The following PDE8B variants were observed in gnomAD, a reference collection of about 807,000 sequenced individuals.
The protein encoded by PDE8B is high affinity cAMP-specific and IBMX-insensitive 3',5'-cyclic phosphodiesterase 8B.
A neutral mutation model predicts 101.3 loss-of-function variants in PDE8B; 26 were observed. That is an observed-to-expected ratio of 0.26 (90% CI 0.19 to 0.36). The LOEUF (loss-of-function observed/expected upper bound fraction) is 0.36, where lower values mean the gene tolerates loss of function less well. Ranked by LOEUF, PDE8B falls within the 10% of genes least tolerant of loss-of-function variation. The pLI is 1.00. For synonymous variants in PDE8B, 424 were observed against 429.3 expected, an observed-to-expected ratio of 0.99 and a Z score of 0.15; for missense variants, 810 against 1,163.1, an observed-to-expected ratio of 0.70 and a Z score of 4.42.
chr5:77,174,289 G>A, the PDE8B span, among the ~76,000 whole-genome samples: 1 of 152,062 alleles, frequency 6.6e-6, no homozygotes, highest in Admixed American at 6.6e-5. Flanking sequence ...CTGTTTTTAT[G>A]GGAGGTACCA....
intron 1 of PDE8B, among the ~76,000 whole-genome samples, chr5:77,238,243 T>G (rs893413403): frequency 1.3e-5 from 2 of 152,214 alleles, no homozygotes; most frequent in African/African-American, 4.8e-5. Context: ...TTCAGGTTCC[T>G]AAGACTCTGT....
rs146823802 is a variant in PDE8B at position 77,258,884 on chromosome 5, G to C, written c.339+47620G>C. On this transcript the variant is annotated intron_variant, in intron 1 of 21. Transcript: ENST00000264917. Reference sequence around the variant, plus strand: ...GGCTTTTCCTCCTCCTGTACAGACTGTTGGTTCCTCAGGGTCTGGGCAGGG... The same window carrying C: ...GGCTTTTCCTCCTCCTGTACAGACTCTTGGTTCCTCAGGGTCTGGGCAGGG... Among the ~76,000 whole-genome samples, 231 of 152,028 alleles carry C rather than the reference G, an allele frequency of 1.5e-3. 2 individuals carry two copies. Among genetic ancestry groups the C allele is most frequent in the African/African-American group, 5.3e-3 (219 of 41,480 alleles).
intron 20 of PDE8B, among the ~76,000 whole-genome samples, chr5:77,424,928 G>A (rs80138185): frequency 0.018 from 2,731 of 151,796 alleles, 41 homozygotes; most frequent in Non-Finnish European, 0.027. Flanking sequence ...GGCCCCAAGC[G>A]AACCTCCTGC....
chr5:77,301,595 T>C (rs1160621189), intron 1 of PDE8B, among the ~76,000 whole-genome samples: 1 of 152,332 alleles, frequency 6.6e-6, no homozygotes, highest in East Asian at 1.9e-4. Flanking sequence ...ACAATGTAAT[T>C]TTACATGCTT....
chr5:77,243,132 A>G (rs1469661222), intron 1 of PDE8B, among the ~76,000 whole-genome samples: 2 of 152,206 alleles, frequency 1.3e-5, no homozygotes, highest in African/African-American at 2.4e-5. Context: ...GGAAAAGTTT[A>G]TGGTGAATTT....
chr5:77,217,691 C>T (rs1022461155), intron 1 of PDE8B, among the ~76,000 whole-genome samples: 3 of 151,958 alleles, frequency 2.0e-5, no homozygotes, highest in Admixed American at 6.6e-5. Context: ...GGTGCCACCA[C>T]CCTCGGCTAA....
chr5:77,229,523 T>C (rs1753111433), intron 1 of PDE8B, among the ~76,000 whole-genome samples: 1 of 152,356 alleles, frequency 6.6e-6, no homozygotes, highest in Non-Finnish European at 1.5e-5. Flanking sequence ...GTAAAACCAT[T>C]ACTGCTAATT....
Position 77,233,654 on chromosome 5 carries a change from CTGTGTGTGTGTGTGTGTG to C in PDE8B, c.339+22419_339+22436del, listed in dbSNP as rs72346580. 4.4e-3 allele frequency among the ~76,000 whole-genome samples: 604 copies of C among 138,322 alleles called. 4 individuals are homozygous for C. Among genetic ancestry groups the C allele is most frequent in the African/African-American group, 0.015 (561 of 37,064 alleles). The allele number at this position is 138,322 out of a possible 152,430, so 90.7% of individuals were successfully genotyped here. On this transcript the variant is annotated intron_variant, in intron 1 of 21. Coordinates refer to ENST00000264917, the MANE Select transcript of PDE8B (RefSeq NM_003719.5). Reference sequence around the variant, plus strand: ...TGACAGCCCCCAACCCCCTGAAGCTCTGTGTGTGTGTGTGTGTGTGTGTGTGTGTGTGTGTGTGTGTGT... The same window carrying C: ...TGACAGCCCCCAACCCCCTGAAGCTCTGTGTGTGTGTGTGTGTGTGTGTGT...
rs1780694636 is a variant in PDE8B, at chr5:77,349,400, AC to A, written c.877-17del. 6.2e-7 allele frequency: 1 copy of A among 1,613,924 alleles called. No homozygotes were observed. Among genetic ancestry groups the A allele is most frequent in the East Asian group, 2.2e-5 (1 of 44,902 alleles). The stretch of plus-strand genomic sequence containing the variant: ...GTCTTGTGTCCCCGCACTGATCTGT[AC>A]CAACCTCCCATTAACAGTATGTCAA... On this transcript the variant is annotated intron_variant, in intron 7 of 21. Transcript: ENST00000264917.
At chr5:77,190,338 C>T in the PDE8B span, among the ~76,000 whole-genome samples, 271 of 152,298 alleles carry the variant, frequency 1.8e-3, 1 homozygote, top group African/African-American at 6.3e-3. Context: ...CATAACCAAA[C>T]TTGGAGTGCC....
the PDE8B span, among the ~76,000 whole-genome samples, chr5:77,202,720 C>A: frequency 6.6e-6 from 1 of 151,714 alleles, no homozygotes; most frequent in African/African-American, 2.4e-5. Flanking sequence ...GTAACCTCTG[C>A]CTCCCAGGTT....
intron 1 of PDE8B, among the ~76,000 whole-genome samples, chr5:77,292,653 C>T (rs1767622697): frequency 6.6e-6 from 1 of 152,058 alleles, no homozygotes; most frequent in African/African-American, 2.4e-5. Context: ...GTTTTACAGC[C>T]CATTTGTGTA....
the PDE8B span, among the ~76,000 whole-genome samples, chr5:77,180,680 G>A: frequency 2.0e-5 from 3 of 152,232 alleles, no homozygotes; most frequent in Non-Finnish European, 2.9e-5. Flanking sequence ...TCCTTTCCAG[G>A]CGGGAAGCAC....
At position 77,218,001 on chromosome 5, in the gene PDE8B, T is replaced by C. The variant is rs1044981665; in HGVS notation, c.339+6737T>C. Among the ~76,000 whole-genome samples the C allele has an allele frequency of 3.9e-5, 6 of 152,228 alleles. No homozygotes were observed. The East Asian group carries it at 1.2e-3, about 29-fold the overall frequency. ...CATTGATTTCTTTCATCCCCTCCTT[T>C]CCCCCTCCTTAGGGAGAATGCACAG... On this transcript the variant is annotated intron_variant, in intron 1 of 21. Coordinates refer to ENST00000264917, the MANE Select transcript of PDE8B (RefSeq NM_003719.5).
intron 1 of PDE8B, among the ~76,000 whole-genome samples, chr5:77,242,409 A>G (rs1755953950): frequency 6.6e-6 from 1 of 152,238 alleles, no homozygotes; most frequent in Admixed American, 6.5e-5. Flanking sequence ...GTATGTTTCA[A>G]AGGACAATAG....
intron 10 of PDE8B, among the ~76,000 whole-genome samples, chr5:77,385,198 T>G (rs1276408625): frequency 6.6e-6 from 1 of 152,168 alleles, no homozygotes; most frequent in Non-Finnish European, 1.5e-5. Flanking sequence ...TGGTTTAGAC[T>G]TGGGAGGGTG....
intron 1 of PDE8B, among the ~76,000 whole-genome samples, chr5:77,238,842 G>T (rs1164359205): frequency 6.6e-6 from 1 of 152,210 alleles, no homozygotes; most frequent in Admixed American, 6.5e-5. Flanking sequence ...AGATGAATGT[G>T]CCAGCTCAAG....
At chr5:77,161,746 G>A in the PDE8B span, among the ~76,000 whole-genome samples, 1 of 152,074 alleles carries the variant, frequency 6.6e-6, no homozygotes, top group East Asian at 1.9e-4. Context: ...CAACATTGAT[G>A]AGCATTTCAG....
chr5:77,392,169 AT>A (rs891852757), intron 10 of PDE8B, among the ~76,000 whole-genome samples: 14 of 152,186 alleles, frequency 9.2e-5, no homozygotes, highest in African/African-American at 2.9e-4. Context: ...AGAAAATCCT[AT>A]TTTCACGCTT....
Sources: gnomAD v4.1 joint callset for allele counts (sites outside exome capture counted in the v4.1 genomes callset) on GRCh38, gnomAD v4.1.1 for gene constraint, MANE v1.5 for transcripts, NCBI Gene and HGNC (gene_info 2026-07-23, HGNC 2026-07-21) for gene names.